The following AP3S2 variants were observed in gnomAD, a reference collection of about 807,000 sequenced individuals.
The protein encoded by AP3S2 is AP-3 complex subunit sigma-2.
AP3S2 carries 22 observed loss-of-function variants against 23.4 expected under a neutral mutation model. The observed-to-expected ratio is 0.94, with a 90% CI of 0.67 to 1.34. AP3S2 has a LOEUF of 1.34. Among genes scored for constraint, AP3S2 ranks in the 40% most tolerant of loss-of-function variants. The probability of loss-of-function intolerance (pLI) is 0.00; values close to 1 mark genes in which losing one functional copy is unlikely to be tolerated. For synonymous variants in AP3S2, 86 were observed against 87.1 expected (o/e 0.99, Z 0.07); for missense variants, 241 against 236.9 (o/e 1.02, Z -0.11).
chr15:89,859,304 CTTCCTTCCT>C (rs1200292451), intron 4 of AP3S2, among the ~76,000 whole-genome samples: 7 of 143,530 alleles, frequency 4.9e-5, no homozygotes, highest in African/African-American at 1.8e-4. Flanking sequence ...CTTTTTCTTC[CTTCCTTCCT>C]TTCCTTCCTT....
intron 4 of AP3S2, among the ~76,000 whole-genome samples, chr15:89,843,241 C>T (rs1302059539): frequency 2.0e-5 from 3 of 152,010 alleles, no homozygotes; most frequent in Non-Finnish European, 4.4e-5. Flanking sequence ...GCCTTGGCCT[C>T]CCAAAGTGCT....
intron 4 of AP3S2, among the ~76,000 whole-genome samples, chr15:89,866,904 G>A (rs1345914079): frequency 6.6e-6 from 1 of 152,074 alleles, no homozygotes; most frequent in East Asian, 1.9e-4. Context: ...GGTGGGTGAT[G>A]GGAGTCATTC....
In AP3S2 at chr15:89,882,094, T is replaced by A. The variant is rs530670865; in HGVS notation, c.273+6427A>T. Among the ~76,000 whole-genome samples the A allele has an allele frequency of 3.2e-4, 49 of 152,164 alleles. No individual in the cohort carries two copies. In the South Asian group the frequency reaches 6.4e-3, roughly 20 times the overall value. On this transcript the variant is annotated intron_variant, in intron 3 of 5. Coordinates refer to ENST00000336418, the MANE Select transcript of AP3S2 (RefSeq NM_005829.5). ...GCCTCGGCCTCCCAAAGTGCTGGGG[T>A]TACAGGTGTGAGCCACCGTGCCTGG...
intron 5 of AP3S2, 127 bp downstream of exon 5, chr15:89,837,488 A>T (rs1895221379): frequency 2.8e-6 from 3 of 1,074,176 alleles, no homozygotes; most frequent in Non-Finnish European, 4.0e-6. Context: ...AATGGACTCA[A>T]GGAAGAAAGA....
chr15:89,878,513 A>C (rs1169076396), intron 3 of AP3S2, among the ~76,000 whole-genome samples: 3 of 152,144 alleles, frequency 2.0e-5, no homozygotes, highest in Non-Finnish European at 4.4e-5. Flanking sequence ...AAAACAATGA[A>C]TTTGCATTTT....
At chr15:89,850,379 C>A (rs1895617641) in intron 4 of AP3S2, among the ~76,000 whole-genome samples, 1 of 152,146 alleles carries the variant, frequency 6.6e-6, no homozygotes, top group African/African-American at 2.4e-5. Flanking sequence ...TTGTCTTACA[C>A]ATCAGATGAA....
In AP3S2 at chr15:89,837,677, C is replaced by T; in HGVS notation, c.391G>A (p.Glu131Lys). ...GCCACGATTTCATTCATGTTTGTTT[C>T]CAACACCATCCCACCCATCACCACC... The part of the protein sequence containing the change: ...QEVVMGGMVL[E>K]TNMNEIVAQI... The change falls in exon 5 of 6, where the codon GAA (glutamate) becomes AAA (lysine). Residue 131 changes from glutamate (E) to lysine (K), a missense_variant. Physicochemically the swap from Glu to Lys is moderately conservative, Grantham distance 56 (BLOSUM62 1). Coordinates refer to ENST00000336418, the MANE Select transcript of AP3S2 (RefSeq NM_005829.5). The T allele has an allele frequency of 1.9e-6, 3 of 1,614,164 alleles. No homozygotes were observed. The South Asian group carries it at 3.3e-5, about 18-fold the overall frequency.
chr15:89,836,844 A>G (rs568364224), intron 5 of AP3S2, among the ~76,000 whole-genome samples: 106 of 152,362 alleles, frequency 7.0e-4, no homozygotes, highest in African/African-American at 2.4e-3. Flanking sequence ...CTTCTTCCAC[A>G]GGACTGCCAG....
At chr15:89,858,541 G>GA (rs1567178830) in intron 4 of AP3S2, among the ~76,000 whole-genome samples, 1 of 145,418 alleles carries the variant, frequency 6.9e-6, no homozygotes, top group Non-Finnish European at 1.5e-5. Context: ...AAGAAAGAAA[G>GA]AAAGAAAGAA....
chr15:89,837,877 G>A (rs908649394), intron 4 of AP3S2, 155 bp from the exon 5 acceptor site: 7 of 777,292 alleles, frequency 9.0e-6, no homozygotes, highest in African/African-American at 7.0e-5. Context: ...GTGACACAAC[G>A]AGGGGTCTCT....
At chr15:89,888,928 G>T in intron 2 of AP3S2, 121 bp downstream of exon 2, 1 of 1,155,320 alleles carries the variant, frequency 8.7e-7, no homozygotes, top group Admixed American at 2.0e-5. Flanking sequence ...AGCAGATCAT[G>T]GTGAGACCAG....
chr15:89,890,527 T>G (rs1896796119), intron 1 of AP3S2, among the ~76,000 whole-genome samples: 1 of 152,182 alleles, frequency 6.6e-6, no homozygotes, highest in African/African-American at 2.4e-5. Flanking sequence ...GAGCATTGCT[T>G]CTCAAATCTT....
chr15:89,830,770 G>A lies in AP3S2; in HGVS notation c.*4745C>T, dbSNP rs1196318543. 1 of 152,536 alleles carries A rather than the reference G, an allele frequency of 6.6e-6. No homozygotes were observed. Among genetic ancestry groups the A allele is most frequent in the East Asian group, 1.9e-4 (1 of 5,200 alleles). The allele number at this position is 152,536 out of a possible 1,614,324, so 9.4% of individuals were successfully genotyped here. ...AACATCCAGTACGTCAGAGTGCCATGGGAAAGGTACGCTGAGCAAGGGCGG... is the reference window on the plus strand; with the variant it reads ...AACATCCAGTACGTCAGAGTGCCATAGGAAAGGTACGCTGAGCAAGGGCGG... On this transcript the variant is annotated 3_prime_UTR_variant, in exon 6 of 6. Transcript: ENST00000336418.
intron 4 of AP3S2, among the ~76,000 whole-genome samples, chr15:89,839,763 G>C (rs1895282221): frequency 6.6e-6 from 1 of 152,096 alleles, no homozygotes; most frequent in Admixed American, 6.5e-5. Flanking sequence ...AGCAGCCCAA[G>C]TGTCCATGAA....
chr15:89,889,358 C>A (rs917636632), intron 1 of AP3S2: 1 of 547,016 alleles, frequency 1.8e-6, no homozygotes, highest in African/African-American at 1.9e-5. Context: ...GGTATATTTA[C>A]CTAAATATCT....
Position 89,855,009 on chromosome 15 carries a change from A to C in AP3S2, c.345+16466T>G, listed in dbSNP as rs1251336047. Among the ~76,000 whole-genome samples the C allele has an allele frequency of 1.4e-4, 13 of 91,178 alleles. 2 individuals are homozygous for C. The Admixed American group carries it at 1.5e-3, about 11-fold the overall frequency. The allele number at this position is 91,178 out of a possible 152,430, so 59.8% of individuals were successfully genotyped here. A position where few individuals can be genotyped will look rare whatever the true frequency, so the allele number is the denominator to read the frequency against. On this transcript the variant is annotated intron_variant, in intron 4 of 5. Coordinates refer to ENST00000336418, the MANE Select transcript of AP3S2 (RefSeq NM_005829.5). The stretch of plus-strand genomic sequence containing the variant: ...TGAGGAGCCCCTCTGCCCGGCCACC[A>C]CCCCGTCTGGGAGGTGTGCCCAACA...
intron 4 of AP3S2, chr15:89,850,557 T>G (rs1212674708): frequency 6.6e-6 from 1 of 152,550 alleles, no homozygotes; most frequent in African/African-American, 2.4e-5. Flanking sequence ...ACTAATTAAG[T>G]AGAATTGAGG....
intron 5 of AP3S2, 24 bp downstream of exon 5, chr15:89,837,591 G>A (rs1159967418): frequency 1.2e-6 from 2 of 1,613,718 alleles, no homozygotes; most frequent in African/African-American, 2.7e-5. Context: ...CCCAGCCAGG[G>A]CTAGAGCACA....
At chr15:89,880,419 A>C (rs1896542480) in intron 3 of AP3S2, among the ~76,000 whole-genome samples, 1 of 152,166 alleles carries the variant, frequency 6.6e-6, no homozygotes. Context: ...AGCCAGGTGC[A>C]GTGGCTCACG....
Sources: gnomAD v4.1 joint callset for allele counts (sites outside exome capture counted in the v4.1 genomes callset) on GRCh38, gnomAD v4.1.1 for gene constraint, MANE v1.5 for transcripts, NCBI Gene and HGNC (gene_info 2026-07-23, HGNC 2026-07-21) for gene names.